COL4A2: variants seen among roughly 807,000 people sequenced by gnomAD.
The protein encoded by COL4A2 is collagen type IV alpha 2 chain, also known as collagen alpha-2(IV) chain.
In COL4A2, 99 loss-of-function variants were observed where a neutral mutation model predicts 200.2. That is an observed-to-expected ratio of 0.49 (90% CI 0.42 to 0.58). The LOEUF is 0.58. COL4A2 is among the 20% of genes least tolerant of loss of function. The probability of loss-of-function intolerance (pLI) is 0.00; values close to 1 mark genes in which losing one functional copy is unlikely to be tolerated. For synonymous variants in COL4A2, 897 were observed against 900.6 expected (o/e 1.00, Z 0.07); for missense variants, 1,950 against 2,314.1 (o/e 0.84, Z 3.23).
chr13:110,330,945 G>A (rs1169146023), intron 3 of COL4A2, among the ~76,000 whole-genome samples: 1 of 152,100 alleles, frequency 6.6e-6, no homozygotes, highest in Admixed American at 6.6e-5. Flanking sequence ...CCTCTATGGT[G>A]TGTCTTCCAT....
At chr13:110,331,695 C>T (rs1875922076) in intron 3 of COL4A2, among the ~76,000 whole-genome samples, 1 of 152,142 alleles carries the variant, frequency 6.6e-6, no homozygotes, top group Admixed American at 6.6e-5. Flanking sequence ...TCAAAACCAC[C>T]AACAAAAGAA....
chr13:110,450,557 C>G, intron 20 of COL4A2, 103 bp downstream of exon 20: 5 of 1,373,714 alleles, frequency 3.6e-6, no homozygotes, highest in Non-Finnish European at 5.0e-6. Flanking sequence ...ACTCTGGGAA[C>G]GAATCCAGTA....
intron 10 of COL4A2, chr13:110,431,029 A>G (rs1880660843): frequency 5.1e-6 from 2 of 389,746 alleles, no homozygotes; most frequent in Admixed American, 5.9e-5. Flanking sequence ...AGCAGGTGAG[A>G]TACTGGCCAC....
In COL4A2 at chr13:110,473,249, G is replaced by A. The variant is rs1299720151; in HGVS notation, c.2425+99G>A. 9.9e-5 allele frequency: 113 copies of A among 1,138,750 alleles called. 2 individuals are homozygous for A. The highest frequency in any genetic ancestry group is 3.1e-4 in the South Asian group (21 of 68,324). 70.5% of individuals were successfully genotyped at this position (1,138,750 alleles called of 1,614,324 possible). On this transcript the variant is annotated intron_variant, in intron 29 of 47. Coordinates refer to ENST00000360467, the MANE Select transcript of COL4A2 (RefSeq NM_001846.4). ...TCCGGGGGATTTGGTAGGAAGCAGC[G>A]GTGCCCTATAGTGCTAGCCATGCGT...
At chr13:110,420,365 A>G (rs1007945059) in intron 4 of COL4A2, among the ~76,000 whole-genome samples, 2 of 152,202 alleles carry the variant, frequency 1.3e-5, no homozygotes, top group African/African-American at 4.8e-5. Flanking sequence ...GATACTGTTC[A>G]TTATCCTGTT....
intron 18 of COL4A2, among the ~76,000 whole-genome samples, chr13:110,447,647 C>G (rs1441444769): frequency 6.6e-6 from 1 of 152,196 alleles, no homozygotes; most frequent in Admixed American, 6.5e-5. Flanking sequence ...ATAGTCAGCT[C>G]TGTGAGGACA....
intron 45 of COL4A2, 94 bp downstream of exon 45, chr13:110,504,358 A>C: frequency 9.7e-7 from 1 of 1,025,996 alleles, no homozygotes; most frequent in Non-Finnish European, 1.5e-6. Context: ...ACGAGAGCCC[A>C]GAAAAGCCAG....
At chr13:110,419,305 A>G (rs751581746) in intron 4 of COL4A2, among the ~76,000 whole-genome samples, 13 of 152,240 alleles carry the variant, frequency 8.5e-5, no homozygotes, top group Non-Finnish European at 1.6e-4. Context: ...AAAATACTGT[A>G]CTGTAGATTA....
intron 7 of COL4A2, among the ~76,000 whole-genome samples, 200 bp downstream of exon 7, chr13:110,428,783 G>T (rs758265479): frequency 1.4e-4 from 22 of 152,262 alleles, no homozygotes; most frequent in Non-Finnish European, 2.9e-4. Flanking sequence ...AATCATTGTT[G>T]TGGTTGATGT....
intron 3 of COL4A2, among the ~76,000 whole-genome samples, chr13:110,356,426 G>A (rs1237220280): frequency 3.3e-5 from 5 of 152,180 alleles, no homozygotes; most frequent in East Asian, 3.9e-4. Flanking sequence ...TTGGCATCCC[G>A]CCAGATGCAC....
chr13:110,435,938 TAA>T (rs1213390409), intron 12 of COL4A2, among the ~76,000 whole-genome samples: 1 of 152,056 alleles, frequency 6.6e-6, no homozygotes, highest in Non-Finnish European at 1.5e-5. Context: ...TCAAAAACCA[TAA>T]AGACATTCAG....
intron 4 of COL4A2, among the ~76,000 whole-genome samples, chr13:110,365,957 C>T: frequency 6.6e-6 from 1 of 152,300 alleles, no homozygotes; most frequent in East Asian, 1.9e-4. Context: ...TGATTAAAAA[C>T]CTCACACAGA....
In COL4A2 at chr13:110,308,136, T is replaced by C. The variant is rs1884853071; in HGVS notation, c.99+13T>C. On this transcript the variant is annotated intron_variant, in intron 3 of 47. Coordinates refer to ENST00000360467, the MANE Select transcript of COL4A2 (RefSeq NM_001846.4). ...GAGCGTCTTGGCGGTAAGTCCTGGC[T>C]CCCGCGCTTGGACTTGCGCGCCCGA... The C allele has an allele frequency of 1.9e-6, 3 of 1,613,266 alleles. No individual in the cohort carries two copies. Among genetic ancestry groups the C allele is most frequent in the African/African-American group, 1.3e-5 (1 of 74,914 alleles).
chr13:110,458,573 A>G (rs1321266255), intron 21 of COL4A2, among the ~76,000 whole-genome samples, 198 bp from the exon 22 acceptor site: 1 of 152,188 alleles, frequency 6.6e-6, no homozygotes, highest in Non-Finnish European at 1.5e-5. Context: ...CCATGAGACT[A>G]TGAGTGAACA....
intron 4 of COL4A2, among the ~76,000 whole-genome samples, chr13:110,369,580 TC>T (rs1229915168): frequency 5.3e-5 from 8 of 152,176 alleles, no homozygotes; most frequent in African/African-American, 9.7e-5. Context: ...AAGTGGTTCT[TC>T]CAGCCAGAAT....
intron 31 of COL4A2, 30 bp from the exon 32 acceptor site, chr13:110,482,486 A>T: frequency 6.2e-7 from 1 of 1,608,384 alleles, no homozygotes; most frequent in Non-Finnish European, 8.5e-7. Flanking sequence ...ATTCATGTCT[A>T]ACCCAGCACT....
In COL4A2 at chr13:110,332,972, G is replaced by A. The variant is rs553338564; in HGVS notation, c.100-24500G>A. Among the ~76,000 whole-genome samples the A allele has an allele frequency of 9.8e-5, 15 of 152,368 alleles. No homozygotes were observed. In the South Asian group the frequency reaches 3.1e-3, roughly 32 times the overall value. Reference sequence around the variant, plus strand: ...ATCTCTGAGTCAGCAAGAAGTGGGTGCATGAGGCTTCCCAACCCACCAGGT... The same window carrying A: ...ATCTCTGAGTCAGCAAGAAGTGGGTACATGAGGCTTCCCAACCCACCAGGT... On this transcript the variant is annotated intron_variant, in intron 3 of 47. Coordinates refer to ENST00000360467, the MANE Select transcript of COL4A2 (RefSeq NM_001846.4).
chr13:110,347,941 C>CGT (rs1221731892), intron 3 of COL4A2, among the ~76,000 whole-genome samples: 1 of 152,242 alleles, frequency 6.6e-6, no homozygotes, highest in Non-Finnish European at 1.5e-5. Context: ...GTCTTGCCGC[C>CGT]GTGTTGAACC....
In COL4A2 at chr13:110,508,443, A is replaced by T; in HGVS notation, c.4881+222A>T. Reference sequence around the variant, plus strand: ...TCCTCCACCCAGAAAGGGCTCATTAATTTGCCACCAGGCCTTTGTAAGGAG... The same window carrying T: ...TCCTCCACCCAGAAAGGGCTCATTATTTTGCCACCAGGCCTTTGTAAGGAG... On this transcript the variant is annotated intron_variant, in intron 47 of 47. Coordinates refer to ENST00000360467, the MANE Select transcript of COL4A2 (RefSeq NM_001846.4). The surrounding 1 kb of genome is among the most constrained non-coding windows in gnomAD (Gnocchi z 6.1). The T allele has an allele frequency of 1.4e-6, 1 of 703,724 alleles. No homozygotes were observed. The highest frequency in any genetic ancestry group is 2.3e-6 in the Non-Finnish European group (1 of 433,866). The allele number at this position is 703,724 out of a possible 1,614,324, so 43.6% of individuals were successfully genotyped here.
Sources: gnomAD v4.1 joint callset for allele counts (sites outside exome capture counted in the v4.1 genomes callset) on GRCh38, gnomAD v4.1.1 for gene constraint, Gnocchi (gnomAD v3.1) non-coding constraint, MANE v1.5 for transcripts, NCBI Gene and HGNC (gene_info 2026-07-23, HGNC 2026-07-21) for gene names.